The following LRP1B variants were observed in gnomAD, a reference collection of about 807,000 sequenced individuals.
The protein encoded by LRP1B is low-density lipoprotein receptor-related protein 1B.
Under a neutral mutation model 556.6 loss-of-function variants are expected in LRP1B, and 217 were observed. The ratio of observed to expected loss-of-function variants is 0.39; its 90% confidence interval spans 0.35 to 0.44. The LOEUF (loss-of-function observed/expected upper bound fraction) is 0.44. Ranked by LOEUF, LRP1B falls within the 20% of genes least tolerant of loss-of-function variation. The probability of loss-of-function intolerance (pLI) is 1.00; values close to 1 mark genes in which losing one functional copy is unlikely to be tolerated. For missense variants in LRP1B, 5,053 were observed against 5,620.8 expected, an observed-to-expected ratio of 0.90 and a Z score of 3.23; for synonymous variants, 2,047 against 1,865.8, an observed-to-expected ratio of 1.10 and a Z score of -2.50.
intron 1 of LRP1B, among the ~76,000 whole-genome samples, chr2:141,918,449 AT>A (rs1212960519): frequency 6.6e-6 from 1 of 151,826 alleles, no homozygotes; most frequent in Non-Finnish European, 1.5e-5. Context: ...GTATCGAGTG[AT>A]TTTTTTTCAG....
chr2:141,005,450 A>G lies in LRP1B; in HGVS notation c.2388T>C (p.Asn796=). 1 of 1,609,864 alleles carries G rather than the reference A, an allele frequency of 6.2e-7. No individual in the cohort carries two copies. Among genetic ancestry groups the G allele is most frequent in the Non-Finnish European group, 8.5e-7 (1 of 1,177,342 alleles). The change falls in exon 15 of 91, where the codon AAT becomes AAC. Residue 796 remains asparagine (N), a synonymous_variant. Coordinates refer to ENST00000389484, the MANE Select transcript of LRP1B (RefSeq NM_018557.3). ...IYDPRKQQGD[N]MCRVNNGGCS... is the part of the protein sequence containing the mutation. The stretch of plus-strand genomic sequence containing the variant: ...AGCCCCCATTATTTACTCGGCACAT[A>G]TTGTCACCTGCAAGAGGAAGAAAGC...
chr2:141,810,715 G>T (rs1457103014), intron 1 of LRP1B, among the ~76,000 whole-genome samples: 1 of 152,028 alleles, frequency 6.6e-6, no homozygotes, highest in African/African-American at 2.4e-5. Flanking sequence ...CAGCAAGTTA[G>T]TTTTATATAA....
chr2:141,868,098 G>A (rs1698472397), intron 1 of LRP1B, among the ~76,000 whole-genome samples: 1 of 152,140 alleles, frequency 6.6e-6, no homozygotes, highest in African/African-American at 2.4e-5. Context: ...TCCTAAAGGA[G>A]TACATAGAAA....
At chr2:140,965,868 T>G (rs1480211200) in intron 18 of LRP1B, among the ~76,000 whole-genome samples, 1 of 129,098 alleles carries the variant, frequency 7.7e-6, no homozygotes, top group Non-Finnish European at 1.6e-5. Context: ...TCCACGTCCC[T>G]ACAAAGGACA....
At chr2:141,079,630 T>C (rs1558846026) in intron 7 of LRP1B, among the ~76,000 whole-genome samples, 1 of 152,182 alleles carries the variant, frequency 6.6e-6, no homozygotes, top group South Asian at 2.1e-4. Flanking sequence ...TCAACAGATA[T>C]GATCAAATTT....
At chr2:140,261,529 CAAAT>C (rs1681936829) in intron 86 of LRP1B, among the ~76,000 whole-genome samples, 1 of 151,570 alleles carries the variant, frequency 6.6e-6, no homozygotes, top group African/African-American at 2.4e-5. Flanking sequence ...GAAGTATGAA[CAAAT>C]AAACACACCT....
chr2:140,910,454 A>T (rs1573869652), intron 21 of LRP1B, among the ~76,000 whole-genome samples: 1 of 151,844 alleles, frequency 6.6e-6, no homozygotes, highest in East Asian at 1.9e-4. Context: ...AAAAATACAA[A>T]CATGAAGCTG....
intron 2 of LRP1B, among the ~76,000 whole-genome samples, chr2:141,635,051 C>CACACAA (rs1257633673): frequency 1.3e-5 from 2 of 151,506 alleles, no homozygotes; most frequent in Non-Finnish European, 2.9e-5. Flanking sequence ...TAGTGAAACA[C>CACACAA]ACACACACAC....
intron 29 of LRP1B, among the ~76,000 whole-genome samples, chr2:140,849,829 C>T (rs1042975555): frequency 2.6e-5 from 4 of 152,082 alleles, no homozygotes; most frequent in African/African-American, 4.8e-5. Flanking sequence ...TGTGAGCCAC[C>T]GTGCCCAGCC....
intron 31 of LRP1B, among the ~76,000 whole-genome samples, chr2:140,819,783 G>A (rs1355093404): frequency 6.6e-6 from 1 of 152,100 alleles, no homozygotes; most frequent in Non-Finnish European, 1.5e-5. Flanking sequence ...AAAAAGCAGT[G>A]AGAACACTAA....
intron 7 of LRP1B, among the ~76,000 whole-genome samples, chr2:141,076,756 A>T (rs1699797022): frequency 1.3e-5 from 2 of 152,204 alleles, no homozygotes; most frequent in Admixed American, 6.5e-5. Flanking sequence ...CTGAGACTAC[A>T]ACAGGGAATT....
chr2:141,454,753 T>C (rs1365247705), intron 3 of LRP1B, among the ~76,000 whole-genome samples: 3 of 152,072 alleles, frequency 2.0e-5, no homozygotes, highest in Non-Finnish European at 4.4e-5. Flanking sequence ...CTAGTTTGAG[T>C]TTGAATGCAA....
chr2:141,574,023 G>A (rs1348902345), intron 2 of LRP1B, among the ~76,000 whole-genome samples: 1 of 152,094 alleles, frequency 6.6e-6, no homozygotes, highest in African/African-American at 2.4e-5. Context: ...AGTACAAAGA[G>A]GAGCTGGTAC....
In LRP1B at chr2:141,280,591, T is replaced by A. The variant is rs559904810; in HGVS notation, c.344-25950A>T. On this transcript the variant is annotated intron_variant, in intron 3 of 90. Coordinates refer to ENST00000389484, the MANE Select transcript of LRP1B (RefSeq NM_018557.3). ...TATTCTAGATTTATATAGTCTTATT[T>A]AGGATGCAGAACGCTTAATATTGGC... is the stretch of plus-strand genomic sequence containing the variant. 2.0e-4 allele frequency among the ~76,000 whole-genome samples: 30 copies of A among 152,066 alleles called. 1 individual carries two copies. The highest frequency in any genetic ancestry group is 2.7e-4 in the Non-Finnish European group (18 of 67,868).
At chr2:140,389,618 T>C (rs1683920596) in intron 66 of LRP1B, among the ~76,000 whole-genome samples, 1 of 149,476 alleles carries the variant, frequency 6.7e-6, no homozygotes. Context: ...CTGAGAAAAA[T>C]TGAATAATGC....
chr2:141,226,832 G>T (rs1000640774), intron 6 of LRP1B, among the ~76,000 whole-genome samples: 47 of 152,010 alleles, frequency 3.1e-4, no homozygotes, highest in African/African-American at 1.0e-3. Context: ...TGACAGAGAA[G>T]CCCAGCCCTG....
intron 2 of LRP1B, among the ~76,000 whole-genome samples, chr2:141,774,128 T>A (rs539434562): frequency 3.9e-5 from 6 of 152,362 alleles, no homozygotes; most frequent in South Asian, 4.1e-4. Flanking sequence ...AAGAGTTTAA[T>A]ATAAATCTTT....
chr2:141,696,854 T>C (rs1435875897), intron 2 of LRP1B, among the ~76,000 whole-genome samples: 1 of 151,944 alleles, frequency 6.6e-6, no homozygotes, highest in Non-Finnish European at 1.5e-5. Context: ...AAGACGGACA[T>C]TAATAGTTTG....
chr2:140,247,334 G>A (rs1681209307), intron 86 of LRP1B, among the ~76,000 whole-genome samples, 172 bp from the exon 87 acceptor site: 1 of 151,594 alleles, frequency 6.6e-6, no homozygotes, highest in African/African-American at 2.4e-5. Context: ...TATGCTGAGT[G>A]TAACTTTCAT....
Sources: gnomAD v4.1 joint callset for allele counts (sites outside exome capture counted in the v4.1 genomes callset) on GRCh38, gnomAD v4.1.1 for gene constraint, MANE v1.5 for transcripts, NCBI Gene and HGNC (gene_info 2026-07-23, HGNC 2026-07-21) for gene names.